Variants in MRPL48 observed in about 807,000 individuals in gnomAD.
MRPL48 encodes large ribosomal subunit protein mL48.
In MRPL48, 16 loss-of-function variants were observed where a neutral mutation model predicts 32.9. That is an observed-to-expected ratio of 0.49 (90% CI 0.33 to 0.74). The LOEUF (loss-of-function observed/expected upper bound fraction) is 0.74. Among genes scored for constraint, MRPL48 ranks in the 30% least tolerant of loss-of-function variants. The pLI, the probability that MRPL48 is intolerant of heterozygous loss-of-function variation, is 0.02. For synonymous variants in MRPL48, 94 were observed against 89.2 expected (o/e 1.05, Z -0.31); for missense variants, 206 against 245.3 (o/e 0.84, Z 1.07).
intron 5 of MRPL48, among the ~76,000 whole-genome samples, chr11:73,846,138 ATTCCTTC>A (rs1309057973): frequency 6.6e-6 from 1 of 150,734 alleles, no homozygotes; most frequent in Non-Finnish European, 1.5e-5. Context: ...ATAACTGCCC[ATTCCTTC>A]CTCCCCTAAG....
At chr11:73,809,245 C>G (rs978055063) in intron 3 of MRPL48, among the ~76,000 whole-genome samples, 1 of 142,368 alleles carries the variant, frequency 7.0e-6, no homozygotes, top group South Asian at 2.2e-4. Flanking sequence ...AGGTGCCTCA[C>G]GCCTGTAATC....
chr11:73,850,696 A>G, intron 5 of MRPL48: 1 of 178,362 alleles, frequency 5.6e-6, no homozygotes, highest in Non-Finnish European at 1.0e-5. Flanking sequence ...TTTTTTTTTG[A>G]AACGGAGTCT....
intron 3 of MRPL48, among the ~76,000 whole-genome samples, chr11:73,821,213 T>G (rs1275784668): frequency 6.6e-6 from 1 of 152,082 alleles, no homozygotes; most frequent in Non-Finnish European, 1.5e-5. Context: ...CCAGCTGGTC[T>G]TAAACTCCTG....
Position 73,859,917 on chromosome 11 carries a change from C to A in MRPL48, c.382C>A (p.Pro128Thr), listed in dbSNP as rs1948554320. The change falls in exon 6 of 8, where the codon CCA becomes ACA. Residue 128 changes from proline to threonine, a missense_variant. By Grantham distance (38) the Pro-to-Thr change is conservative (BLOSUM62 -1). Coordinates refer to ENST00000310614, the MANE Select transcript of MRPL48 (RefSeq NM_016055.6). Reference protein sequence around the residue: ...SIKVEESYAMPTKTIEVLQLQ... With the variant: ...SIKVEESYAMTTKTIEVLQLQ... ...TCTTCCTTCCCACAGTTATGCAATG[C>A]CAACCAAAACCATAGAAGTGTTGCA... 1 of 1,613,466 alleles carries A rather than the reference C, an allele frequency of 6.2e-7. No homozygotes were observed. The highest frequency in any genetic ancestry group is 8.5e-7 in the Non-Finnish European group (1 of 1,179,778).
At chr11:73,854,522 A>G (rs548344960) in intron 5 of MRPL48, among the ~76,000 whole-genome samples, 24 of 151,936 alleles carry the variant, frequency 1.6e-4, no homozygotes, top group African/African-American at 5.8e-4. Context: ...CCTGACCTCA[A>G]GTGATCCGCC....
At chr11:73,845,987 G>A (rs1430868328) in intron 5 of MRPL48, among the ~76,000 whole-genome samples, 4 of 141,134 alleles carry the variant, frequency 2.8e-5, no homozygotes, top group Non-Finnish European at 6.0e-5. Flanking sequence ...AGAATCGCTT[G>A]AATCCAGGAA....
intron 6 of MRPL48, among the ~76,000 whole-genome samples, chr11:73,861,072 A>G (rs114854687): frequency 5.7e-4 from 87 of 152,304 alleles, no homozygotes; most frequent in African/African-American, 2.1e-3. Flanking sequence ...TGGTATAGGC[A>G]TCACCCTTTT....
At chr11:73,834,004 G>A (rs1432740647) in intron 4 of MRPL48, among the ~76,000 whole-genome samples, 1 of 151,892 alleles carries the variant, frequency 6.6e-6, no homozygotes, top group South Asian at 2.1e-4. Context: ...TTATAGGTGC[G>A]CCCCACCACA....
chr11:73,827,361 G>C (rs554078566), intron 4 of MRPL48, among the ~76,000 whole-genome samples: 69 of 152,250 alleles, frequency 4.5e-4, no homozygotes, highest in Admixed American at 3.9e-3. Flanking sequence ...TCTAGTCTGG[G>C]CAACAGAGTG....
At chr11:73,792,060 A>G (rs1435313443) in intron 1 of MRPL48, among the ~76,000 whole-genome samples, 1 of 152,128 alleles carries the variant, frequency 6.6e-6, no homozygotes, top group Non-Finnish European at 1.5e-5. Context: ...GCCTAACTTC[A>G]TCTCAAATTT....
intron 5 of MRPL48, among the ~76,000 whole-genome samples, chr11:73,859,286 CTT>C (rs71065048): frequency 1.0e-4 from 15 of 145,172 alleles, no homozygotes; most frequent in Admixed American, 1.4e-4. Flanking sequence ...TCTTTTCTTT[CTT>C]TTTTTTTTTT....
chr11:73,852,090 T>C (rs1948402717), intron 5 of MRPL48, among the ~76,000 whole-genome samples: 1 of 152,166 alleles, frequency 6.6e-6, no homozygotes, highest in Non-Finnish European at 1.5e-5. Flanking sequence ...TCCGAGAAGA[T>C]GTCAGGAACT....
intron 3 of MRPL48, among the ~76,000 whole-genome samples, chr11:73,811,884 C>T (rs973832911): frequency 1.3e-5 from 2 of 151,984 alleles, no homozygotes; most frequent in African/African-American, 4.8e-5. Flanking sequence ...AATTTTATTG[C>T]CCTTTCCCAG....
chr11:73,808,459 G>A (rs1197282786), intron 3 of MRPL48, 109 bp downstream of exon 3: 3 of 1,099,160 alleles, frequency 2.7e-6, no homozygotes, highest in Non-Finnish European at 4.0e-6. Flanking sequence ...ACAGTGGCCT[G>A]AACCAAACCC....
intron 1 of MRPL48, among the ~76,000 whole-genome samples, chr11:73,788,314 G>A (rs1947082219): frequency 6.6e-6 from 1 of 151,940 alleles, no homozygotes; most frequent in African/African-American, 2.4e-5. Flanking sequence ...CCGATTAACT[G>A]TGTGACCTTG....
At chr11:73,822,188 T>C (rs968670539) in intron 3 of MRPL48, among the ~76,000 whole-genome samples, 1 of 152,120 alleles carries the variant, frequency 6.6e-6, no homozygotes, top group African/African-American at 2.4e-5. Context: ...TTTGGGAACC[T>C]CTGGCCAAAA....
At chr11:73,788,121 A>T (rs573879790) in intron 1 of MRPL48, 129 bp downstream of exon 1, 2 of 1,377,502 alleles carry the variant, frequency 1.5e-6, no homozygotes, top group Non-Finnish European at 2.0e-6. Flanking sequence ...TGGGGCGCCC[A>T]AGGTCCTTCC....
intron 4 of MRPL48, among the ~76,000 whole-genome samples, chr11:73,844,036 G>A (rs192817014): frequency 4.0e-5 from 6 of 151,874 alleles, no homozygotes; most frequent in Non-Finnish European, 7.4e-5. Context: ...CTGAGACTGC[G>A]CCATTGCATT....
intron 1 of MRPL48, among the ~76,000 whole-genome samples, chr11:73,800,900 C>T (rs1186297115): frequency 1.3e-5 from 2 of 151,576 alleles, no homozygotes; most frequent in Non-Finnish European, 2.9e-5. Flanking sequence ...CAACCTCCGC[C>T]TCCCGGGTTC....
Sources: allele counts gnomAD v4.1 joint callset (sites outside exome capture counted in the v4.1 genomes callset), GRCh38; gene constraint gnomAD v4.1.1; transcripts MANE v1.5; gene names NCBI Gene and HGNC (gene_info 2026-07-23, HGNC 2026-07-21).